The following MTREX variants were observed in gnomAD, a reference collection of about 807,000 sequenced individuals.
MTREX encodes the protein exosome RNA helicase MTR4.
Under a neutral mutation model 135.4 loss-of-function variants are expected in MTREX, and 76 were observed. The ratio of observed to expected loss-of-function variants is 0.56; its 90% CI spans 0.47 to 0.68. The LOEUF is 0.68. Ranked by LOEUF, MTREX falls within the 30% of genes least tolerant of loss-of-function variation. MTREX has a pLI of 0.00. For synonymous variants in MTREX, 404 were observed against 401.6 expected, an observed-to-expected ratio of 1.01 and a Z score of -0.07; for missense variants, 920 against 1,262.1, an observed-to-expected ratio of 0.73 and a Z score of 4.11.
At chr5:55,420,695 A>G (rs1047207735) in intron 25 of MTREX, among the ~76,000 whole-genome samples, 1 of 152,194 alleles carries the variant, frequency 6.6e-6, no homozygotes, top group African/African-American at 2.4e-5. Context: ...CGTGGTTGCC[A>G]TGGGCTGGAG....
intron 10 of MTREX, among the ~76,000 whole-genome samples, chr5:55,346,721 A>G (rs1473817745): frequency 1.3e-5 from 2 of 152,148 alleles, no homozygotes; most frequent in South Asian, 2.1e-4. Context: ...CCCTTATCAG[A>G]TAGATGATTT....
At chr5:55,417,066 T>C (rs1258397609) in intron 25 of MTREX, among the ~76,000 whole-genome samples, 5 of 152,174 alleles carry the variant, frequency 3.3e-5, no homozygotes, top group Non-Finnish European at 7.4e-5. Context: ...CATTGAACTT[T>C]ATGGGTTTTA....
chr5:55,346,945 T>C (rs1159470024), intron 10 of MTREX, 68 bp from the exon 11 acceptor site: 16 of 1,305,308 alleles, frequency 1.2e-5, no homozygotes, highest in Non-Finnish European at 1.6e-5. Flanking sequence ...TTTATAGTTT[T>C]AGCTTTTAAA....
At chr5:55,390,180 A>G (rs1178355341) in intron 19 of MTREX, among the ~76,000 whole-genome samples, 2 of 151,816 alleles carry the variant, frequency 1.3e-5, no homozygotes, top group Non-Finnish European at 1.5e-5. Flanking sequence ...TTGGCTCACT[A>G]CCACCTCTGC....
At chr5:55,369,915 C>CTTT (rs60011222) in intron 16 of MTREX, among the ~76,000 whole-genome samples, 83 of 141,450 alleles carry the variant, frequency 5.9e-4, no homozygotes, top group Non-Finnish European at 9.5e-4. Flanking sequence ...TTTCTTTTTT[C>CTTT]TTTTTTTTTT....
At chr5:55,378,187 G>A (rs1750336756) in intron 16 of MTREX, 127 bp from the exon 17 acceptor site, 2 of 1,067,542 alleles carry the variant, frequency 1.9e-6, no homozygotes, top group Non-Finnish European at 2.6e-6. Flanking sequence ...AGACTTACAG[G>A]AAGGTGGAAG....
At position 55,425,234 on chromosome 5, in the gene MTREX, T is replaced by G; in HGVS notation, c.*462T>G. 1 of 1,613,964 alleles carries G rather than the reference T, an allele frequency of 6.2e-7. No homozygotes were observed. The highest frequency in any genetic ancestry group is 1.3e-5 in the African/African-American group (1 of 75,060). On this transcript the variant is annotated 3_prime_UTR_variant, in exon 27 of 27. Coordinates refer to ENST00000230640, the MANE Select transcript of MTREX (RefSeq NM_015360.5). The stretch of plus-strand genomic sequence containing the variant: ...AGGCTGGTGATTGCTCGGATAGTGA[T>G]TCCCAGTTGTTGGTGTTTCATGCAG...
At chr5:55,343,992 T>A (rs2112060933) in intron 8 of MTREX, among the ~76,000 whole-genome samples, 1 of 152,296 alleles carries the variant, frequency 6.6e-6, no homozygotes, top group South Asian at 2.1e-4. Flanking sequence ...TGCCCTTAAT[T>A]TTCCTTTACA....
At chr5:55,418,300 A>G (rs1449209122) in intron 25 of MTREX, among the ~76,000 whole-genome samples, 2 of 151,122 alleles carry the variant, frequency 1.3e-5, no homozygotes, top group Non-Finnish European at 2.9e-5. Context: ...TCAGATGAGT[A>G]TATTTTTTTT....
intron 15 of MTREX, among the ~76,000 whole-genome samples, chr5:55,362,154 G>C (rs1263300730): frequency 1.8e-5 from 2 of 110,792 alleles, no homozygotes; most frequent in Non-Finnish European, 3.6e-5. Context: ...GGCTTGTTTT[G>C]AACTCCAGGC....
At chr5:55,352,015 TTTTTGTTTTTG>T (rs1298873797) in intron 13 of MTREX, among the ~76,000 whole-genome samples, 6 of 151,252 alleles carry the variant, frequency 4.0e-5, no homozygotes, top group East Asian at 1.9e-4. Context: ...TTTGTTTTTG[TTTTTGTTTTTG>T]TTTTGTTTTG....
In MTREX at chr5:55,340,015, C is replaced by T. The variant is rs1412383310; in HGVS notation, c.521C>T (p.Ala174Val). The change falls in exon 6 of 27, where the codon GCC becomes GTC. Residue 174 changes from alanine (A) to valine (V), a missense_variant. Ala to Val is a moderately conservative substitution (Grantham distance 64). Coordinates refer to ENST00000230640, the MANE Select transcript of MTREX (RefSeq NM_015360.5). ...ATTTGTTTTCACATTTGTAGGTATG[C>T]CATTGCATTGGCCTTAAGGGAAAAG... The part of the protein sequence containing the change: ...SAGKTVCAEY[A>V]IALALREKQR... 2.0e-6 allele frequency: 3 copies of T among 1,518,700 alleles called. No individual in the cohort carries two copies. Among genetic ancestry groups the T allele is most frequent in the Admixed American group, 2.1e-5 (1 of 47,036 alleles). 94.1% of individuals were successfully genotyped at this position (1,518,700 alleles called of 1,614,324 possible). A position where few individuals can be genotyped will look rare whatever the true frequency, so the allele number is the denominator to read the frequency against.
intron 15 of MTREX, among the ~76,000 whole-genome samples, chr5:55,359,554 CTT>C (rs1295401833): frequency 2.6e-5 from 4 of 151,688 alleles, no homozygotes; most frequent in African/African-American, 9.7e-5. Flanking sequence ...CTTTATATGT[CTT>C]TACATGAGTG....
intron 22 of MTREX, among the ~76,000 whole-genome samples, 183 bp downstream of exon 22, chr5:55,405,771 G>A (rs926755520): frequency 5.3e-5 from 8 of 151,812 alleles, no homozygotes; most frequent in Admixed American, 2.6e-4. Context: ...ATTATCTTTA[G>A]GAAAAAAGAG....
chr5:55,412,309 A>G (rs1407429325), intron 23 of MTREX, among the ~76,000 whole-genome samples: 1 of 152,220 alleles, frequency 6.6e-6, no homozygotes, highest in Non-Finnish European at 1.5e-5. Flanking sequence ...CTATTTTAAA[A>G]TGTATTTATA....
chr5:55,371,866 G>A (rs1351383362), intron 16 of MTREX, among the ~76,000 whole-genome samples: 1 of 151,948 alleles, frequency 6.6e-6, no homozygotes, highest in East Asian at 1.9e-4. Flanking sequence ...TGTAGTTAGA[G>A]TCCTGGACTC....
chr5:55,309,527 C>T (rs1561181418), intron 1 of MTREX, among the ~76,000 whole-genome samples: 1 of 151,898 alleles, frequency 6.6e-6, no homozygotes, highest in Non-Finnish European at 1.5e-5. Flanking sequence ...GACAGGCCTT[C>T]ATTAATTAAG....
chr5:55,309,003 AG>A (rs1384017678), intron 1 of MTREX, among the ~76,000 whole-genome samples: 1 of 152,142 alleles, frequency 6.6e-6, no homozygotes, highest in Non-Finnish European at 1.5e-5. Context: ...AGTATAGGTG[AG>A]GAGGTCGTTA....
At chr5:55,378,039 T>G (rs1750333138) in intron 16 of MTREX, among the ~76,000 whole-genome samples, 2 of 152,050 alleles carry the variant, frequency 1.3e-5, no homozygotes, top group Non-Finnish European at 2.9e-5. Context: ...TTGCTGGGTT[T>G]TCCCACTCAG....
Sources: allele counts gnomAD v4.1 joint callset (sites outside exome capture counted in the v4.1 genomes callset), GRCh38; gene constraint gnomAD v4.1.1; transcripts MANE v1.5; gene names NCBI Gene and HGNC (gene_info 2026-07-23, HGNC 2026-07-21).